Variants in TICAM1 observed in about 807,000 individuals in gnomAD.
TICAM1 encodes TIR domain containing adaptor molecule 1.
For missense variants in TICAM1, 895 were observed against 938.2 expected (o/e 0.95, Z 0.60); for synonymous variants, 439 against 415.4 (o/e 1.06, Z -0.69).
At chr19:4,821,943 C>G (rs948049264) in intron 1 of TICAM1, among the ~76,000 whole-genome samples, 1 of 130,896 alleles carries the variant, frequency 7.6e-6, no homozygotes, top group Admixed American at 7.8e-5. Context: ...CCCGTCCAGC[C>G]TTTTTTTTTG....
intron 1 of TICAM1, among the ~76,000 whole-genome samples, chr19:4,822,109 A>C (rs2093598604): frequency 7.1e-6 from 1 of 141,790 alleles, no homozygotes. Flanking sequence ...CTAATTTTGT[A>C]TTTTTAGTAG....
At chr19:4,827,426 T>C (rs2093607418) in intron 1 of TICAM1, among the ~76,000 whole-genome samples, 2 of 142,698 alleles carry the variant, frequency 1.4e-5, no homozygotes, top group Non-Finnish European at 3.0e-5. Flanking sequence ...ATGCCCAGCT[T>C]CTATCTCTGT....
Position 4,820,150 on chromosome 19 carries a change from G to A in TICAM1, c.-139-1634C>T, listed in dbSNP as rs1279897858. Among the ~76,000 whole-genome samples, 3 of 152,152 alleles carry A rather than the reference G, an allele frequency of 2.0e-5. No individual in the cohort carries two copies. In the South Asian group the frequency reaches 6.2e-4, roughly 31 times the overall value. On this transcript the variant is annotated intron_variant, in intron 1 of 1. Coordinates refer to ENST00000248244, the MANE Select transcript of TICAM1 (RefSeq NM_182919.4). ...TAAAAAAAAGTTTGGGCCAGGCGCAGTGGCTCACGCCTATAATCCCAGCAC... is the reference window on the plus strand; with the variant it reads ...TAAAAAAAAGTTTGGGCCAGGCGCAATGGCTCACGCCTATAATCCCAGCAC...
At chr19:4,824,785 T>C (rs185115030) in intron 1 of TICAM1, among the ~76,000 whole-genome samples, 1 of 151,834 alleles carries the variant, frequency 6.6e-6, no homozygotes, top group Non-Finnish European at 1.5e-5. Context: ...ATAGAAAAAT[T>C]AGCCACGTGT....
intron 1 of TICAM1, among the ~76,000 whole-genome samples, chr19:4,827,781 A>T (rs2093608090): frequency 6.7e-6 from 1 of 150,240 alleles, no homozygotes; most frequent in Admixed American, 6.7e-5. Context: ...AAAAGATCCT[A>T]TATTCAGGTG....
In TICAM1 at chr19:4,818,010, C is replaced by A. The variant is rs768611254; in HGVS notation, c.368G>T (p.Arg123Leu). The change falls in exon 2 of 2, where the codon CGC (arginine) becomes CTC (leucine). Residue 123 changes from arginine to leucine, a missense_variant. Physicochemically the swap from Arg to Leu is moderately radical, Grantham distance 102. Coordinates refer to ENST00000248244, the MANE Select transcript of TICAM1 (RefSeq NM_182919.4). This position sits in a 1 kb window ranked among gnomAD's most constrained non-coding sequence, Gnocchi z 4.0. ...GTGGTCGTCCCTGGAGCTGAGGGTG[C>A]GGACGGCTTCCTGGTAGGCCACGTC... Reference protein sequence around the residue: ...LRDVAYQEAVRTLSSRDDHRL... With the variant: ...LRDVAYQEAVLTLSSRDDHRL... The A allele has an allele frequency of 6.2e-7, 1 of 1,611,652 alleles. No homozygotes were observed. The highest frequency in any genetic ancestry group is 8.5e-7 in the Non-Finnish European group (1 of 1,179,882).
Position 4,821,047 on chromosome 19 carries a change from A to AG in TICAM1, c.-139-2532_-139-2531insC, listed in dbSNP as rs11427429. On this transcript the variant is annotated intron_variant, in intron 1 of 1. Transcript: ENST00000248244. ...GTCTCTAGTAAAAAAAAAAAAAAAAATTGCCAGACATGGTGTTGGGCACCT... is the reference window on the plus strand; with the variant it reads ...GTCTCTAGTAAAAAAAAAAAAAAAAAGTTGCCAGACATGGTGTTGGGCACCT... Among the ~76,000 whole-genome samples the AG allele has an allele frequency of 2.8e-5, 4 of 141,146 alleles. No individual in the cohort carries two copies. The East Asian group carries it at 8.6e-4, about 30-fold the overall frequency. 92.6% of individuals were successfully genotyped at this position (141,146 alleles called of 152,430 possible).
intron 1 of TICAM1, among the ~76,000 whole-genome samples, chr19:4,822,695 A>C (rs1013880112): frequency 6.6e-6 from 1 of 152,240 alleles, no homozygotes; most frequent in Admixed American, 6.5e-5. Flanking sequence ...GACCCTTGAC[A>C]GAAAAAGCTT....
intron 1 of TICAM1, among the ~76,000 whole-genome samples, chr19:4,827,072 C>T (rs1047329203): frequency 5.9e-5 from 9 of 151,816 alleles, no homozygotes; most frequent in Non-Finnish European, 1.0e-4. Flanking sequence ...GCCAGACGGC[C>T]GGGCGCAGTG....
intron 1 of TICAM1, among the ~76,000 whole-genome samples, chr19:4,827,459 A>C (rs2093607472): frequency 6.7e-6 from 1 of 149,732 alleles, no homozygotes; most frequent in South Asian, 2.1e-4. Context: ...ATAAAATGGG[A>C]TAAAAATGAA....
chr19:4,818,882 G>A lies in TICAM1; in HGVS notation c.-139-366C>T, dbSNP rs1221706560. Among the ~76,000 whole-genome samples the A allele has an allele frequency of 6.6e-6, 1 of 152,108 alleles. No individual in the cohort carries two copies. Among genetic ancestry groups the A allele is most frequent in the Non-Finnish European group, 1.5e-5 (1 of 68,028 alleles). Reference sequence around the variant, plus strand: ...CCCAGCAGTTGTGGAGGCCGAGGCGGGGGGATCACCTGAGGTCAGGAGTTC... The same window carrying A: ...CCCAGCAGTTGTGGAGGCCGAGGCGAGGGGATCACCTGAGGTCAGGAGTTC... On this transcript the variant is annotated intron_variant, in intron 1 of 1. Coordinates refer to ENST00000248244, the MANE Select transcript of TICAM1 (RefSeq NM_182919.4). The surrounding 1 kb of genome is among the most constrained non-coding windows in gnomAD (Gnocchi z 4.0).
At chr19:4,826,386 A>C (rs111933908) in intron 1 of TICAM1, among the ~76,000 whole-genome samples, 1 of 151,942 alleles carries the variant, frequency 6.6e-6, no homozygotes. Flanking sequence ...GTGCAATGGC[A>C]TGATCTCGAC....
At chr19:4,820,007 G>A (rs2093594561) in intron 1 of TICAM1, among the ~76,000 whole-genome samples, 1 of 152,158 alleles carries the variant, frequency 6.6e-6, no homozygotes, top group African/African-American at 2.4e-5. Context: ...TGGCAAGGGA[G>A]CCAGGCACCA....
chr19:4,818,636 G>A lies in TICAM1; in HGVS notation c.-139-120C>T, dbSNP rs375395602. On this transcript the variant is annotated intron_variant, in intron 1 of 1. Transcript: ENST00000248244. This position sits in a 1 kb window ranked among gnomAD's most constrained non-coding sequence, Gnocchi z 4.0. ...ACCCAGACCTAGCCAGGTGACCTTC[G>A]GCAACACGTCGCCTCCTTCAACTTC... 5.4e-4 allele frequency: 283 copies of A among 524,640 alleles called. 3 individuals are homozygous for A. In the East Asian group the frequency reaches 6.1e-3, roughly 11 times the overall value. The allele number at this position is 524,640 out of a possible 1,614,324, so 32.5% of individuals were successfully genotyped here.
chr19:4,816,894 G>C lies in TICAM1; in HGVS notation c.1484C>G (p.Ser495Cys). 1 of 1,613,222 alleles carries C rather than the reference G, an allele frequency of 6.2e-7. No individual in the cohort carries two copies. The highest frequency in any genetic ancestry group is 8.5e-7 in the Non-Finnish European group (1 of 1,180,026). Reference protein sequence around the residue: ...CVIPFLPLESSPAQLSSDTAS... With the variant: ...CVIPFLPLESCPAQLSSDTAS... Reference sequence around the variant, plus strand: ...CGTGTCGGAGCTGAGCTGGGCCGGGGAGCTCTCCAGGGGCAGGAAGGGGAT... The same window carrying C: ...CGTGTCGGAGCTGAGCTGGGCCGGGCAGCTCTCCAGGGGCAGGAAGGGGAT... Residue 495 changes from serine to cysteine, a missense_variant, in exon 2 of 2, where the codon TCC (serine) becomes TGC (cysteine). Transcript: ENST00000248244. The surrounding 1 kb of genome is among the most constrained non-coding windows in gnomAD (Gnocchi z 4.3).
At chr19:4,822,968 CT>C (rs931161006) in intron 1 of TICAM1, among the ~76,000 whole-genome samples, 1 of 152,018 alleles carries the variant, frequency 6.6e-6, no homozygotes, top group Non-Finnish European at 1.5e-5. Flanking sequence ...GAGAAAAGGC[CT>C]TTTTTTGGTT....
intron 1 of TICAM1, among the ~76,000 whole-genome samples, chr19:4,829,775 TA>T (rs1236211271): frequency 1.3e-5 from 2 of 151,348 alleles, no homozygotes; most frequent in African/African-American, 4.8e-5. Flanking sequence ...TCTTCCTTTT[TA>T]AAAAAATTTT....
At position 4,818,647 on chromosome 19, in the gene TICAM1, G is replaced by C. The variant is rs1294196232; in HGVS notation, c.-139-131C>G. ...GCCAGGTGACCTTCGGCAACACGTCGCCTCCTTCAACTTCCATTTCTTCCT... is the reference window on the plus strand; with the variant it reads ...GCCAGGTGACCTTCGGCAACACGTCCCCTCCTTCAACTTCCATTTCTTCCT... On this transcript the variant is annotated intron_variant, in intron 1 of 1. Coordinates refer to ENST00000248244, the MANE Select transcript of TICAM1 (RefSeq NM_182919.4). This position sits in a 1 kb window ranked among gnomAD's most constrained non-coding sequence, Gnocchi z 4.0. The C allele has an allele frequency of 2.2e-6, 1 of 448,474 alleles. No homozygotes were observed. The highest frequency in any genetic ancestry group is 6.3e-4 in the Middle Eastern group (1 of 1,576). The allele number at this position is 448,474 out of a possible 1,614,324, so 27.8% of individuals were successfully genotyped here. A position where few individuals can be genotyped will look rare whatever the true frequency, so the allele number is the denominator to read the frequency against.
At chr19:4,830,251 C>T (rs1257759161) in intron 1 of TICAM1, among the ~76,000 whole-genome samples, 1 of 152,000 alleles carries the variant, frequency 6.6e-6, no homozygotes, top group Non-Finnish European at 1.5e-5. Context: ...CCACACCTGG[C>T]TAATTTTTGT....
Sources: allele counts gnomAD v4.1 joint callset (sites outside exome capture counted in the v4.1 genomes callset), GRCh38; gene constraint gnomAD v4.1.1; non-coding constraint Gnocchi (gnomAD v3.1); transcripts MANE v1.5; gene names NCBI Gene and HGNC (gene_info 2026-07-23, HGNC 2026-07-21).